The following KCNIP4 variants were observed in gnomAD, a reference collection of about 807,000 sequenced individuals.
KCNIP4 encodes the protein potassium voltage-gated channel interacting protein 4, also known as Kv channel-interacting protein 4.
KCNIP4 carries 12 observed loss-of-function variants against 34.0 expected under a neutral mutation model. The ratio of observed to expected loss-of-function variants is 0.35; its 90% CI spans 0.23 to 0.57. The LOEUF is 0.57. KCNIP4 is among the 20% of genes least tolerant of loss of function. The pLI is 0.83. For synonymous variants in KCNIP4, 124 were observed against 102.2 expected (o/e 1.21, Z -1.29); for missense variants, 238 against 311.7 (o/e 0.76, Z 1.78).
intron 1 of KCNIP4, among the ~76,000 whole-genome samples, chr4:21,374,525 T>G (rs1720793454): frequency 6.8e-6 from 1 of 147,110 alleles, no homozygotes. Flanking sequence ...TCAAGAGATT[T>G]GGGTGGGGAC....
At chr4:21,058,654 G>C (rs143241667) in intron 1 of KCNIP4, among the ~76,000 whole-genome samples, 1 of 152,044 alleles carries the variant, frequency 6.6e-6, no homozygotes, top group Non-Finnish European at 1.5e-5. Context: ...TAGCCATAAG[G>C]TTTCTATTAT....
chr4:20,957,981 A>G (rs1301975053), intron 1 of KCNIP4, among the ~76,000 whole-genome samples: 7 of 152,234 alleles, frequency 4.6e-5, no homozygotes, highest in Non-Finnish European at 1.0e-4. Context: ...CTCTTAAGAG[A>G]TACTTGTGAA....
chr4:21,761,567 T>G (rs1165663297), intron 1 of KCNIP4, among the ~76,000 whole-genome samples: 2 of 152,080 alleles, frequency 1.3e-5, no homozygotes, highest in East Asian at 3.9e-4. Context: ...ACAATTCTTA[T>G]GTTCACATAA....
At chr4:21,035,559 AT>A (rs1438915058) in intron 1 of KCNIP4, among the ~76,000 whole-genome samples, 1 of 152,200 alleles carries the variant, frequency 6.6e-6, no homozygotes, top group African/African-American at 2.4e-5. Flanking sequence ...AGGTCTAGCC[AT>A]TGGACAACCA....
At chr4:21,827,334 A>G (rs933578101) in intron 1 of KCNIP4, among the ~76,000 whole-genome samples, 2 of 152,044 alleles carry the variant, frequency 1.3e-5, no homozygotes, top group Non-Finnish European at 2.9e-5. Context: ...TAAAACTGCA[A>G]CCTAGGAGAC....
intron 1 of KCNIP4, among the ~76,000 whole-genome samples, chr4:21,596,561 T>C (rs373595809): frequency 3.9e-5 from 6 of 152,012 alleles, no homozygotes; most frequent in Admixed American, 3.9e-4. Context: ...CCTATCTCCA[T>C]CTACCTTTCC....
intron 1 of KCNIP4, among the ~76,000 whole-genome samples, chr4:21,093,387 G>A (rs1357338698): frequency 6.6e-6 from 1 of 152,074 alleles, no homozygotes; most frequent in Non-Finnish European, 1.5e-5. Flanking sequence ...GATTTAAAGG[G>A]CAACATAAGC....
At chr4:21,740,171 T>C (rs749149236) in intron 1 of KCNIP4, among the ~76,000 whole-genome samples, 1 of 152,124 alleles carries the variant, frequency 6.6e-6, no homozygotes, top group Non-Finnish European at 1.5e-5. Flanking sequence ...TATATATGTA[T>C]TGACACATGC....
intron 1 of KCNIP4, among the ~76,000 whole-genome samples, chr4:21,686,209 A>T (rs1750792031): frequency 6.6e-6 from 1 of 152,156 alleles, no homozygotes; most frequent in Non-Finnish European, 1.5e-5. Flanking sequence ...CCCATTGTAG[A>T]GGTAATAATA....
intron 1 of KCNIP4, among the ~76,000 whole-genome samples, chr4:21,783,597 T>C (rs1241334906): frequency 6.6e-6 from 1 of 152,098 alleles, no homozygotes; most frequent in Non-Finnish European, 1.5e-5. Flanking sequence ...GCAGATGTCA[T>C]TTCCAGAAAA....
At chr4:21,475,329 G>T (rs1384459686) in intron 1 of KCNIP4, among the ~76,000 whole-genome samples, 1 of 152,158 alleles carries the variant, frequency 6.6e-6, no homozygotes, top group Non-Finnish European at 1.5e-5. Context: ...TCTTACAGAT[G>T]AAACTGGGGC....
intron 1 of KCNIP4, among the ~76,000 whole-genome samples, chr4:21,861,804 A>T (rs73110024): frequency 0.086 from 13,085 of 152,150 alleles, 1,893 homozygotes; most frequent in African/African-American, 0.3. Flanking sequence ...TCCTTGATTG[A>T]CAAACATAGC....
intron 1 of KCNIP4, among the ~76,000 whole-genome samples, chr4:21,401,507 C>T (rs892785215): frequency 6.6e-6 from 1 of 152,092 alleles, no homozygotes; most frequent in Non-Finnish European, 1.5e-5. Context: ...TTAATTTGCC[C>T]ATGTTGAATG....
intron 1 of KCNIP4, among the ~76,000 whole-genome samples, chr4:20,946,565 T>G (rs560773033): frequency 1.3e-5 from 2 of 152,228 alleles, no homozygotes; most frequent in African/African-American, 4.8e-5. Flanking sequence ...ATGTAGAAAT[T>G]GGAATCTTGG....
intron 1 of KCNIP4, among the ~76,000 whole-genome samples, chr4:21,040,127 A>T (rs951671738): frequency 1.3e-5 from 2 of 152,124 alleles, no homozygotes; most frequent in African/African-American, 4.8e-5. Context: ...CCATGATCCA[A>T]TCACCTCCTA....
intron 1 of KCNIP4, among the ~76,000 whole-genome samples, chr4:21,822,708 T>A (rs141175498): frequency 0.012 from 1,647 of 135,474 alleles, 34 homozygotes; most frequent in African/African-American, 0.042. Flanking sequence ...CAAAGTATAT[T>A]ATTAATTTTC....
chr4:21,388,591 G>A (rs1722253948), intron 1 of KCNIP4, among the ~76,000 whole-genome samples: 1 of 152,060 alleles, frequency 6.6e-6, no homozygotes, highest in Admixed American at 6.6e-5. Flanking sequence ...GCACAGTTGT[G>A]CAACAGTCAC....
rs375343214 is a variant in KCNIP4, at chr4:21,608,100, T to C, written c.61+340471A>G. On this transcript the variant is annotated intron_variant, in intron 1 of 8. Transcript: ENST00000382152. ...GCTTTATTGTTTTGTTTTTTCATGA[T>C]GGTCCTTATTACAGACATTTCCCTC... 1.1e-4 allele frequency among the ~76,000 whole-genome samples: 16 copies of C among 152,336 alleles called. No individual in the cohort carries two copies. The East Asian group carries it at 2.9e-3, about 28-fold the overall frequency.
At chr4:21,543,290 AG>A (rs1331256821) in intron 1 of KCNIP4, among the ~76,000 whole-genome samples, 1 of 152,150 alleles carries the variant, frequency 6.6e-6, no homozygotes, top group Admixed American at 6.6e-5. Context: ...ATTTTATTTT[AG>A]AATGTTACTC....
Sources: allele counts gnomAD v4.1 joint callset (sites outside exome capture counted in the v4.1 genomes callset), GRCh38; gene constraint gnomAD v4.1.1; transcripts MANE v1.5; gene names NCBI Gene and HGNC (gene_info 2026-07-23, HGNC 2026-07-21).